Variants in CADM2 observed in about 807,000 individuals in gnomAD.
The protein encoded by CADM2 is immunoglobulin superfamily member 4D.
Under a neutral mutation model 49.8 loss-of-function variants are expected in CADM2, and 12 were observed. The ratio of observed to expected loss-of-function variants is 0.24; its 90% CI spans 0.15 to 0.39. CADM2 has a LOEUF of 0.39. Among genes scored for constraint, CADM2 ranks in the 10% least tolerant of loss-of-function variants. The pLI, the probability that CADM2 is intolerant of heterozygous loss-of-function variation, is 1.00. For synonymous variants in CADM2, 214 were observed against 175.4 expected, an observed-to-expected ratio of 1.22 and a Z score of -1.74; for missense variants, 378 against 492.3, an observed-to-expected ratio of 0.77 and a Z score of 2.20.
chr3:85,192,610 ATAT>A (rs1279501757), intron 1 of CADM2, among the ~76,000 whole-genome samples: 1 of 150,876 alleles, frequency 6.6e-6, no homozygotes, highest in Non-Finnish European at 1.5e-5. Context: ...ATATATATAT[ATAT>A]ATATAAAGTT....
chr3:84,985,953 G>A (rs904175196), intron 1 of CADM2, among the ~76,000 whole-genome samples: 3 of 152,132 alleles, frequency 2.0e-5, no homozygotes, highest in Non-Finnish European at 2.9e-5. Flanking sequence ...CCCCATTAGT[G>A]GGATACAACT....
At chr3:85,183,653 A>C (rs542778611) in intron 1 of CADM2, among the ~76,000 whole-genome samples, 1 of 152,238 alleles carries the variant, frequency 6.6e-6, no homozygotes, top group African/African-American at 2.4e-5. Flanking sequence ...TCTCTTCATA[A>C]ATCTTACTAT....
At chr3:85,817,395 A>G (rs1033958142) in intron 3 of CADM2, among the ~76,000 whole-genome samples, 2 of 141,458 alleles carry the variant, frequency 1.4e-5, no homozygotes, top group African/African-American at 2.6e-5. Flanking sequence ...AGTCCCATCA[A>G]ATACACATAG....
intron 3 of CADM2, among the ~76,000 whole-genome samples, chr3:85,818,822 C>T (rs2108170798): frequency 6.6e-6 from 1 of 151,356 alleles, no homozygotes; most frequent in Non-Finnish European, 1.5e-5. Context: ...TGGCCTGGAA[C>T]AGAGCATGAG....
chr3:85,505,182 A>T (rs1233047429), intron 1 of CADM2, among the ~76,000 whole-genome samples: 2 of 152,240 alleles, frequency 1.3e-5, no homozygotes, highest in Non-Finnish European at 2.9e-5. Context: ...GCCCAGGCAG[A>T]GGAGGCGCCG....
At chr3:85,082,999 T>C (rs2107504562) in intron 1 of CADM2, among the ~76,000 whole-genome samples, 1 of 152,316 alleles carries the variant, frequency 6.6e-6, no homozygotes, top group African/African-American at 2.4e-5. Context: ...ATTTTACAAC[T>C]TCGAGAATGC....
intron 1 of CADM2, among the ~76,000 whole-genome samples, chr3:85,460,159 T>C (rs1383723706): frequency 1.3e-5 from 2 of 152,190 alleles, no homozygotes; most frequent in Non-Finnish European, 1.5e-5. Context: ...ATGTTTTTAA[T>C]TTAATGTTCA....
intron 1 of CADM2, among the ~76,000 whole-genome samples, chr3:85,309,176 A>G (rs2044283881): frequency 6.6e-6 from 1 of 152,114 alleles, no homozygotes; most frequent in Non-Finnish European, 1.5e-5. Flanking sequence ...GATCTGAGCT[A>G]AGTCTTAAAA....
Position 85,979,275 on chromosome 3 carries a change from G to A in CADM2, c.970+17628G>A, listed in dbSNP as rs754951471. On this transcript the variant is annotated intron_variant, in intron 8 of 9. Transcript: ENST00000383699. ...CCAACCACATCTGCAACAACCAGCA[G>A]CATCAGAGGTACAGTATGTTTCTTT... 8.7e-6 allele frequency: 14 copies of A among 1,609,760 alleles called. 1 individual carries two copies. The South Asian group carries it at 1.3e-4, about 15-fold the overall frequency.
intron 1 of CADM2, among the ~76,000 whole-genome samples, chr3:85,093,183 A>T (rs1166275767): frequency 6.6e-6 from 1 of 152,166 alleles, no homozygotes; most frequent in Non-Finnish European, 1.5e-5. Context: ...GTGCTGACAC[A>T]AAATATAATT....
At chr3:85,428,739 A>G (rs2036536457) in intron 1 of CADM2, among the ~76,000 whole-genome samples, 1 of 149,554 alleles carries the variant, frequency 6.7e-6, no homozygotes, top group African/African-American at 2.4e-5. Context: ...CATAGGGAAT[A>G]TGCATTATGT....
chr3:85,012,288 T>C (rs1171503139), intron 1 of CADM2, among the ~76,000 whole-genome samples: 1 of 151,320 alleles, frequency 6.6e-6, no homozygotes, highest in Non-Finnish European at 1.5e-5. Context: ...TCCAGGTTGC[T>C]CATCCTATAT....
In CADM2 at chr3:85,618,472, T is replaced by A. The variant is rs926067155; in HGVS notation, c.62-108050T>A. On this transcript the variant is annotated intron_variant, in intron 1 of 9. Transcript: ENST00000383699. ...TCGCATATCTAACAAGGTAAATATT[T>A]AGTATTTTTTGTACTCTTCTTTGAT... 2.0e-5 allele frequency among the ~76,000 whole-genome samples: 3 copies of A among 152,162 alleles called. 1 individual carries two copies. The highest frequency in any genetic ancestry group is 2.0e-4 in the Admixed American group (3 of 15,270).
At chr3:85,814,086 T>A (rs531417572) in intron 3 of CADM2, among the ~76,000 whole-genome samples, 91 of 151,992 alleles carry the variant, frequency 6.0e-4, no homozygotes, top group Non-Finnish European at 1.2e-3. Flanking sequence ...AGAAAGTCAG[T>A]GGTAGGTTGA....
intron 1 of CADM2, among the ~76,000 whole-genome samples, chr3:85,430,375 C>A (rs2107519732): frequency 6.6e-6 from 1 of 152,030 alleles, no homozygotes; most frequent in Admixed American, 6.6e-5. Context: ...GGAGGCTGGG[C>A]ACAAGGGCTC....
At chr3:85,748,391 T>G (rs2068706402) in intron 2 of CADM2, among the ~76,000 whole-genome samples, 1 of 151,978 alleles carries the variant, frequency 6.6e-6, no homozygotes, top group Admixed American at 6.6e-5. Flanking sequence ...GCAGGCGAAA[T>G]AGCCTAAATT....
At chr3:85,509,419 A>G (rs1182793941) in intron 1 of CADM2, among the ~76,000 whole-genome samples, 1 of 152,170 alleles carries the variant, frequency 6.6e-6, no homozygotes, top group African/African-American at 2.4e-5. Context: ...ATATCCTGGT[A>G]GGCTACTGTG....
At chr3:85,680,414 C>G (rs2066007728) in intron 1 of CADM2, among the ~76,000 whole-genome samples, 2 of 152,088 alleles carry the variant, frequency 1.3e-5, no homozygotes, top group Admixed American at 1.3e-4. Context: ...AAACAAAACA[C>G]TTTCTATGAA....
At chr3:85,803,225 T>C (rs2072167828) in intron 3 of CADM2, among the ~76,000 whole-genome samples, 1 of 152,168 alleles carries the variant, frequency 6.6e-6, no homozygotes. Context: ...GAAGGAGTGA[T>C]GAAGCATCTA....
Sources: allele counts gnomAD v4.1 joint callset (sites outside exome capture counted in the v4.1 genomes callset), GRCh38; gene constraint gnomAD v4.1.1; transcripts MANE v1.5; gene names NCBI Gene and HGNC (gene_info 2026-07-23, HGNC 2026-07-21).